Variants in TMEM169 observed in about 807,000 individuals in gnomAD.
TMEM169 encodes transmembrane protein 169.
In TMEM169, 18 loss-of-function variants were observed where a neutral mutation model predicts 27.3. The observed-to-expected ratio is 0.66, with a 90% CI of 0.46 to 0.98. The LOEUF is 0.98. Among genes scored for constraint, TMEM169 ranks in the 50% least tolerant of loss-of-function variants. The pLI is 0.00. For synonymous variants in TMEM169, 136 were observed against 142.1 expected (o/e 0.96, Z 0.30); for missense variants, 320 against 368.6 (o/e 0.87, Z 1.08).
chr2:216,099,839 T>C lies in TMEM169; in HGVS notation c.272-81T>C, dbSNP rs112664969. On this transcript the variant is annotated intron_variant, in intron 2 of 2. Coordinates refer to ENST00000437356, the MANE Select transcript of TMEM169 (RefSeq NM_001142311.2). This position sits in a 1 kb window ranked among gnomAD's most constrained non-coding sequence, Gnocchi z 5.0. The stretch of plus-strand genomic sequence containing the variant: ...GTAAAAAAGGCTACTCTTGTCCTCA[T>C]GCCCAGCCTGGGAGGGTGCAACATG... The C allele has an allele frequency of 2.6e-6, 4 of 1,534,262 alleles. No individual in the cohort carries two copies.
intron 1 of TMEM169, among the ~76,000 whole-genome samples, chr2:216,093,125 AGTGTGTGTGTGTGTGTGTGT>A (rs60241289): frequency 6.9e-6 from 1 of 145,816 alleles, no homozygotes; most frequent in Admixed American, 6.8e-5. Context: ...GTAATAATGA[AGTGTGTGTGTGTGTGTGTGT>A]GTGTGTGTGT....
At chr2:216,098,781 G>A (rs559251545) in intron 2 of TMEM169, among the ~76,000 whole-genome samples, 14 of 150,014 alleles carry the variant, frequency 9.3e-5, no homozygotes, top group Admixed American at 6.0e-4. Context: ...GGGTGTGTGC[G>A]CTGTTTGTGT....
At chr2:216,098,243 G>T (rs1029615257) in intron 2 of TMEM169, among the ~76,000 whole-genome samples, 9 of 152,164 alleles carry the variant, frequency 5.9e-5, no homozygotes, top group Non-Finnish European at 8.8e-5. Context: ...AATTATAAGG[G>T]TTAAGACTGG....
intron 2 of TMEM169, among the ~76,000 whole-genome samples, chr2:216,098,819 G>T (rs865910047): frequency 1.6e-4 from 25 of 151,602 alleles, no homozygotes; most frequent in Middle Eastern, 6.8e-3. Flanking sequence ...TGTGTAATGT[G>T]TGGTGTGTGT....
intron 1 of TMEM169, among the ~76,000 whole-genome samples, chr2:216,089,680 C>T (rs1024293043): frequency 6.6e-6 from 1 of 152,128 alleles, no homozygotes; most frequent in Non-Finnish European, 1.5e-5. Flanking sequence ...TCTTGAATTC[C>T]TGACCTCAAG....
In TMEM169 at chr2:216,100,056, A is replaced by G; in HGVS notation, c.408A>G (p.Lys136=). The change falls in exon 3 of 3, where the codon AAA becomes AAG. Residue 136 remains lysine (K), a synonymous_variant. Transcript: ENST00000437356. Reference sequence around the variant, plus strand: ...AGCTGCAGGAACTGACCAAACCTAAAGAGTCATCAAGGGAAACGACGCCTG... The same window carrying G: ...AGCTGCAGGAACTGACCAAACCTAAGGAGTCATCAAGGGAAACGACGCCTG... The part of the protein sequence containing the change: ...EKELQELTKP[K]ESSRETTPEG... 4 of 1,614,142 alleles carry G rather than the reference A, an allele frequency of 2.5e-6. No homozygotes were observed. The highest frequency in any genetic ancestry group is 3.4e-6 in the Non-Finnish European group (4 of 1,180,020).
In TMEM169 at chr2:216,095,924, T is replaced by G; in HGVS notation, c.-40T>G. The G allele has an allele frequency of 6.3e-7, 1 of 1,579,766 alleles. No homozygotes were observed. The highest frequency in any genetic ancestry group is 8.6e-7 in the Non-Finnish European group (1 of 1,163,806). ...TGAACTGTGAGTTTACTCAAACAAGTCCAACTCTTTATAAGACATAGGTAG... is the reference window on the plus strand; with the variant it reads ...TGAACTGTGAGTTTACTCAAACAAGGCCAACTCTTTATAAGACATAGGTAG... On this transcript the variant is annotated 5_prime_UTR_variant, in exon 2 of 3. Transcript: ENST00000437356.
intron 1 of TMEM169, among the ~76,000 whole-genome samples, chr2:216,094,759 C>T (rs1360941760): frequency 6.6e-6 from 1 of 152,106 alleles, no homozygotes; most frequent in Non-Finnish European, 1.5e-5. Flanking sequence ...CTTTCTTTAA[C>T]AAATAAGTTA....
chr2:216,093,524 G>A (rs1475205606), intron 1 of TMEM169, among the ~76,000 whole-genome samples: 1 of 152,160 alleles, frequency 6.6e-6, no homozygotes, highest in Non-Finnish European at 1.5e-5. Flanking sequence ...AGGACGTAGT[G>A]AAACCTGCCC....
chr2:216,093,728 C>T (rs1162686583), intron 1 of TMEM169, among the ~76,000 whole-genome samples: 1 of 152,042 alleles, frequency 6.6e-6, no homozygotes, highest in Non-Finnish European at 1.5e-5. Flanking sequence ...GGAGAACTCC[C>T]CTGCCTGGAG....
At chr2:216,095,219 C>T (rs376846281) in intron 1 of TMEM169, among the ~76,000 whole-genome samples, 2 of 151,102 alleles carry the variant, frequency 1.3e-5, no homozygotes, top group Non-Finnish European at 1.5e-5. Flanking sequence ...TCCTAAGTAG[C>T]TGGGATTACA....
At position 216,100,627 on chromosome 2, in the gene TMEM169, C is replaced by A; in HGVS notation, c.*85C>A. The A allele has an allele frequency of 6.4e-7, 1 of 1,554,962 alleles. No homozygotes were observed. Among genetic ancestry groups the A allele is most frequent in the Non-Finnish European group, 8.8e-7 (1 of 1,141,484 alleles). On this transcript the variant is annotated 3_prime_UTR_variant, in exon 3 of 3. Coordinates refer to ENST00000437356, the MANE Select transcript of TMEM169 (RefSeq NM_001142311.2). ...CAGCAGATTATTTCTTTAAATTACC[C>A]CCTACTCTCCGCAGTTCTTCTGGGA...
At chr2:216,086,538 G>C (rs1040085925) in intron 1 of TMEM169, among the ~76,000 whole-genome samples, 6 of 152,168 alleles carry the variant, frequency 3.9e-5, no homozygotes, top group African/African-American at 1.2e-4. Context: ...GAAATGTTTA[G>C]AACCTGCTTC....
At position 216,095,900 on chromosome 2, in the gene TMEM169, G is replaced by A; in HGVS notation, c.-64G>A. 6.5e-7 allele frequency: 1 copy of A among 1,539,296 alleles called. No homozygotes were observed. Among genetic ancestry groups the A allele is most frequent in the Non-Finnish European group, 8.8e-7 (1 of 1,141,522 alleles). The stretch of plus-strand genomic sequence containing the variant: ...TCTAGGAAGAAGTTCTGTGATGTGT[G>A]AACTGTGAGTTTACTCAAACAAGTC... On this transcript the variant is annotated 5_prime_UTR_variant, in exon 2 of 3. Coordinates refer to ENST00000437356, the MANE Select transcript of TMEM169 (RefSeq NM_001142311.2).
At chr2:216,098,352 AG>A (rs1696307732) in intron 2 of TMEM169, among the ~76,000 whole-genome samples, 1 of 152,186 alleles carries the variant, frequency 6.6e-6, no homozygotes, top group Non-Finnish European at 1.5e-5. Context: ...AGCTGGATTC[AG>A]GATGCAATCT....
Position 216,096,099 on chromosome 2 carries a change from G to C in TMEM169, c.136G>C (p.Glu46Gln), listed in dbSNP as rs753181988. The C allele has an allele frequency of 2.5e-6, 4 of 1,614,226 alleles. No homozygotes were observed. The highest frequency in any genetic ancestry group is 3.4e-6 in the Non-Finnish European group (4 of 1,180,044). Residue 46 changes from glutamate (E) to glutamine (Q), a missense_variant, in exon 2 of 3, where the codon GAG becomes CAG. Transcript: ENST00000437356. The part of the protein sequence containing the change: ...TMGHRKKKRK[E>Q]SRPESIIIYR... ...GGGGCACAGGAAAAAGAAGAGGAAAGAGTCACGCCCAGAATCCATCATCAT... is the reference window on the plus strand; with the variant it reads ...GGGGCACAGGAAAAAGAAGAGGAAACAGTCACGCCCAGAATCCATCATCAT...
rs1328027717 is a variant in TMEM169, at chr2:216,100,006, A to G, written c.358A>G (p.Ile120Val). 1.2e-6 allele frequency: 2 copies of G among 1,614,088 alleles called. No individual in the cohort carries two copies. The highest frequency in any genetic ancestry group is 2.2e-5 in the East Asian group (1 of 44,904). The change falls in exon 3 of 3, where the codon ATC becomes GTC. Residue 120 changes from isoleucine to valine, a missense_variant. Transcript: ENST00000437356. ...GAAGAAAAAGGGTCAGATGGTGGAC[A>G]TCCATGTCACATTGACAGAGAAAGA... ...RGKKKGQMVD[I>V]HVTLTEKELQ... is the part of the protein sequence containing the mutation.
At position 216,089,713 on chromosome 2, in the gene TMEM169, C is replaced by T. The variant is rs982710957; in HGVS notation, c.-126-6125C>T. ...AAGTGATCCGCCCATCTTGCCCTTC[C>T]AAAATGCTGGGATTACGGGCATGAG... On this transcript the variant is annotated intron_variant, in intron 1 of 2. Coordinates refer to ENST00000437356, the MANE Select transcript of TMEM169 (RefSeq NM_001142311.2). Among the ~76,000 whole-genome samples the T allele has an allele frequency of 3.9e-4, 60 of 152,234 alleles. 1 individual carries two copies. Among genetic ancestry groups the T allele is most frequent in the African/African-American group, 1.4e-3 (57 of 41,554 alleles).
At chr2:216,092,788 T>TGCCTCAGGAAACAACAGAGAGAA (rs1696164077) in intron 1 of TMEM169, among the ~76,000 whole-genome samples, 1 of 152,078 alleles carries the variant, frequency 6.6e-6, no homozygotes, top group African/African-American at 2.4e-5. Context: ...CTTCACAAGC[T>TGCCTCAGGAAACAACAGAGAGAA]GCCTCAGAAA....
Sources: allele counts gnomAD v4.1 joint callset (sites outside exome capture counted in the v4.1 genomes callset), GRCh38; gene constraint gnomAD v4.1.1; non-coding constraint Gnocchi (gnomAD v3.1); transcripts MANE v1.5; gene names NCBI Gene and HGNC (gene_info 2026-07-23, HGNC 2026-07-21).